Variants in MAPDA observed in about 807,000 individuals in gnomAD.
MAPDA encodes N6,N6-dimethyl-AMP deaminase.
At chr15:43,349,078 C>T in the MAPDA span, 1 of 1,613,818 alleles carries the variant, frequency 6.2e-7, no homozygotes, top group Non-Finnish European at 8.5e-7. Flanking sequence ...TTCCAGATGA[C>T]TCTCTGTCTC....
chr15:43,330,939 C>G, the MAPDA span: 5 of 154,896 alleles, frequency 3.2e-5, no homozygotes, highest in South Asian at 1.0e-3. Context: ...GGGTCGGCAC[C>G]ACGGACCTTC....
chr15:43,347,769 G>T, the MAPDA span, among the ~76,000 whole-genome samples: 2 of 152,058 alleles, frequency 1.3e-5, no homozygotes, highest in Non-Finnish European at 2.9e-5. Context: ...TGTATTAAAG[G>T]GGTAATGTAT....
the MAPDA span, chr15:43,335,026 C>T: frequency 2.9e-6 from 4 of 1,380,720 alleles, no homozygotes; most frequent in Non-Finnish European, 4.1e-6. Flanking sequence ...AAATTCAGTA[C>T]CATACAATTT....
the MAPDA span, among the ~76,000 whole-genome samples, chr15:43,348,618 A>G: frequency 5.7e-4 from 87 of 152,254 alleles, 1 homozygote; most frequent in African/African-American, 2.0e-3. Flanking sequence ...TAATTTCTTC[A>G]TCTTAATACT....
chr15:43,330,537 C>T, the MAPDA span: 1 of 1,505,218 alleles, frequency 6.6e-7, no homozygotes, highest in South Asian at 1.4e-5. Context: ...TGTGAGCCGC[C>T]CCTTGGTTAG....
chr15:43,348,924 A>T, the MAPDA span: 1 of 1,613,880 alleles, frequency 6.2e-7, no homozygotes, highest in Non-Finnish European at 8.5e-7. Context: ...ACCAAAAAAA[A>T]GAAACACAAA....
the MAPDA span, among the ~76,000 whole-genome samples, chr15:43,338,686 C>A: frequency 1.3e-5 from 2 of 152,086 alleles, no homozygotes; most frequent in Middle Eastern, 3.4e-3. Flanking sequence ...AGAGGAAAGC[C>A]CAAAGAGCTG....
chr15:43,351,732 T>C, the MAPDA span: 2 of 1,513,178 alleles, frequency 1.3e-6, no homozygotes, highest in Non-Finnish European at 1.8e-6. Context: ...TTTTGAAACA[T>C]TCTTGTTTAC....
the MAPDA span, among the ~76,000 whole-genome samples, chr15:43,340,978 A>G: frequency 6.6e-6 from 1 of 152,192 alleles, no homozygotes; most frequent in Non-Finnish European, 1.5e-5. Context: ...TTCGCTTCTC[A>G]GGGAATAGTT....
At chr15:43,342,585 A>G in the MAPDA span, among the ~76,000 whole-genome samples, 1 of 151,820 alleles carries the variant, frequency 6.6e-6, no homozygotes, top group Non-Finnish European at 1.5e-5. Flanking sequence ...CCCCGTCTCT[A>G]CTAAATATCC....
the MAPDA span, among the ~76,000 whole-genome samples, chr15:43,339,018 A>G: frequency 6.6e-6 from 1 of 152,216 alleles, no homozygotes; most frequent in Non-Finnish European, 1.5e-5. Context: ...GTCTCATGTG[A>G]GCTGGGGTAG....
At chr15:43,335,206 T>G in the MAPDA span, 2 of 1,600,496 alleles carry the variant, frequency 1.2e-6, no homozygotes, top group Non-Finnish European at 1.7e-6. Context: ...GAGTGGTTGC[T>G]AATTATAATG....
At chr15:43,345,713 T>A in the MAPDA span, 1 of 958,490 alleles carries the variant, frequency 1.0e-6, no homozygotes, top group East Asian at 2.5e-5. Flanking sequence ...TAAAATGTCA[T>A]GTTGTCTAGA....
chr15:43,352,797 G>A, the MAPDA span: 14 of 152,220 alleles, frequency 9.2e-5, no homozygotes, highest in Admixed American at 4.6e-4. Flanking sequence ...AGGGATGACC[G>A]TAGTGACAGA....
the MAPDA span, chr15:43,351,185 G>C: frequency 1.4e-6 from 1 of 728,028 alleles, no homozygotes; most frequent in East Asian, 2.8e-5. Context: ...GTGTGGCTGA[G>C]TATGGTGGCG....
At chr15:43,334,633 T>TTATATATATATATATA in the MAPDA span, among the ~76,000 whole-genome samples, 2,990 of 64,624 alleles carry the variant, frequency 0.046, 318 homozygotes, top group Non-Finnish European at 0.078. Context: ...CTCAAAAAAA[T>TTATATATATATATATA]TATATATATA....
chr15:43,347,496 C>T, the MAPDA span, among the ~76,000 whole-genome samples: 1 of 152,106 alleles, frequency 6.6e-6, no homozygotes, highest in African/African-American at 2.4e-5. Flanking sequence ...GGAAGCAGCT[C>T]GTCATTTTTC....
At chr15:43,340,261 T>A in the MAPDA span, 1 of 1,613,184 alleles carries the variant, frequency 6.2e-7, no homozygotes, top group Non-Finnish European at 8.5e-7. Context: ...ATCTTTATTA[T>A]CAGGTCACAA....
chr15:43,351,400 A>G, the MAPDA span: 1 of 321,746 alleles, frequency 3.1e-6, no homozygotes, highest in Admixed American at 4.5e-5. Context: ...TTGGCTCTCT[A>G]GCAAAAGGTA....
Sources: allele counts gnomAD v4.1 joint callset (sites outside exome capture counted in the v4.1 genomes callset), GRCh38; gene constraint gnomAD v4.1.1; transcripts MANE v1.5; gene names NCBI Gene and HGNC (gene_info 2026-07-23, HGNC 2026-07-21).